ARMH3: variants seen among roughly 807,000 people sequenced by gnomAD.
The protein encoded by ARMH3 is armadillo-like helical domain-containing protein 3.
In ARMH3, 60 loss-of-function variants were observed where a neutral mutation model predicts 99.1. The observed-to-expected ratio is 0.61, with a 90% CI of 0.49 to 0.75. ARMH3 has a LOEUF of 0.75. Ranked by LOEUF, ARMH3 falls within the 30% of genes least tolerant of loss-of-function variation. ARMH3 has a pLI of 0.00. For synonymous variants in ARMH3, 285 were observed against 292.8 expected, an observed-to-expected ratio of 0.97 and a Z score of 0.27; for missense variants, 679 against 843.1, an observed-to-expected ratio of 0.81 and a Z score of 2.41.
intron 23 of ARMH3, among the ~76,000 whole-genome samples, chr10:101,901,824 G>C (rs912056465): frequency 3.9e-5 from 6 of 152,144 alleles, no homozygotes; most frequent in Admixed American, 1.3e-4. Context: ...AGTAAATAAA[G>C]AATAAACAAG....
At chr10:101,917,654 T>C (rs1355157851) in intron 23 of ARMH3, among the ~76,000 whole-genome samples, 1 of 152,244 alleles carries the variant, frequency 6.6e-6, no homozygotes, top group Non-Finnish European at 1.5e-5. Flanking sequence ...ACTCTATTTA[T>C]GCTATTTCTA....
chr10:102,047,538 G>A (rs11191196), intron 1 of ARMH3, among the ~76,000 whole-genome samples: 31,232 of 151,216 alleles, frequency 0.21, 3,949 homozygotes, highest in Non-Finnish European at 0.29. Context: ...CCAGGCTGGG[G>A]TGCAGTGGCA....
intron 23 of ARMH3, among the ~76,000 whole-genome samples, chr10:101,922,950 G>A (rs190229830): frequency 2.0e-3 from 311 of 152,038 alleles, no homozygotes; most frequent in Non-Finnish European, 3.5e-3. Flanking sequence ...AATGTCCTTC[G>A]GTACACTGGG....
At chr10:101,998,111 C>A (rs939155600) in intron 15 of ARMH3, among the ~76,000 whole-genome samples, 1 of 152,160 alleles carries the variant, frequency 6.6e-6, no homozygotes, top group Non-Finnish European at 1.5e-5. Context: ...TTATGGATGG[C>A]AAGTGACCAA....
intron 23 of ARMH3, among the ~76,000 whole-genome samples, chr10:101,898,137 T>C (rs2135484064): frequency 6.6e-6 from 1 of 152,084 alleles, no homozygotes; most frequent in African/African-American, 2.4e-5. Context: ...TCCAGCACTT[T>C]GCGAGGCTGA....
chr10:102,011,597 G>A lies in ARMH3; in HGVS notation c.831+126C>T, dbSNP rs956430597. The A allele has an allele frequency of 2.8e-5, 20 of 712,634 alleles. No individual in the cohort carries two copies. The South Asian group carries it at 3.7e-4, about 13-fold the overall frequency. The allele number at this position is 712,634 out of a possible 1,614,324, so 44.1% of individuals were successfully genotyped here. On this transcript the variant is annotated intron_variant, in intron 11 of 25. Coordinates refer to ENST00000370033, the MANE Select transcript of ARMH3 (RefSeq NM_024541.3). Reference sequence around the variant, plus strand: ...TACACTCCCCAAGAAAATCTGCTCTGAGCAGCCTCTCTCTTGTCATCATGC... The same window carrying A: ...TACACTCCCCAAGAAAATCTGCTCTAAGCAGCCTCTCTCTTGTCATCATGC...
At chr10:101,912,624 T>C (rs894304711) in intron 23 of ARMH3, among the ~76,000 whole-genome samples, 2 of 152,324 alleles carry the variant, frequency 1.3e-5, no homozygotes, top group South Asian at 4.1e-4. Context: ...TAAAGACAGT[T>C]TACATCTTCC....
rs982297634 is a variant in ARMH3 at position 101,960,134 on chromosome 10, C to T, written c.1496-2402G>A. Among the ~76,000 whole-genome samples, 5 of 151,972 alleles carry T rather than the reference C, an allele frequency of 3.3e-5. No homozygotes were observed. In the East Asian group the frequency reaches 9.7e-4, roughly 29 times the overall value. ...CGGAGGCTGCAGTGAGCCGAGATCG[C>T]ACCACTGCACTCCACCTTGGGCGAC... On this transcript the variant is annotated intron_variant, in intron 20 of 25. Coordinates refer to ENST00000370033, the MANE Select transcript of ARMH3 (RefSeq NM_024541.3).
At chr10:102,040,217 A>G in intron 1 of ARMH3, 92 bp from the exon 2 acceptor site, 1 of 1,055,522 alleles carries the variant, frequency 9.5e-7, no homozygotes, top group Non-Finnish European at 1.5e-6. Flanking sequence ...CCAAGCCCAT[A>G]GAATATACAA....
intron 8 of ARMH3, among the ~76,000 whole-genome samples, chr10:102,015,767 C>G (rs922500247): frequency 1.3e-5 from 2 of 152,058 alleles, no homozygotes; most frequent in South Asian, 2.1e-4. Flanking sequence ...TTAATTGTGA[C>G]GAATTAGGCA....
At chr10:101,984,962 G>A (rs1402283112) in intron 19 of ARMH3, among the ~76,000 whole-genome samples, 3 of 151,568 alleles carry the variant, frequency 2.0e-5, no homozygotes, top group Non-Finnish European at 2.9e-5. Flanking sequence ...CCAGCTACTT[G>A]GGAGGTTGAG....
At chr10:101,916,062 C>G (rs1252599024) in intron 23 of ARMH3, among the ~76,000 whole-genome samples, 1 of 152,126 alleles carries the variant, frequency 6.6e-6, no homozygotes. Flanking sequence ...CCCCGGCCTC[C>G]CAAAGTGCTG....
At chr10:101,891,775 T>C (rs1024977525) in intron 23 of ARMH3, among the ~76,000 whole-genome samples, 1 of 152,200 alleles carries the variant, frequency 6.6e-6, no homozygotes, top group Non-Finnish European at 1.5e-5. Context: ...TTACTTTTTC[T>C]ATAAATCTAA....
At position 101,982,098 on chromosome 10, in the gene ARMH3, A is replaced by G. The variant is rs541768130; in HGVS notation, c.1407-6798T>C. On this transcript the variant is annotated intron_variant, in intron 19 of 25. Transcript: ENST00000370033. ...ATTAAAAATATTTTACAGGCCGGGTATAGCGGGTATAGTGGCTCACACCTG... is the reference window on the plus strand; with the variant it reads ...ATTAAAAATATTTTACAGGCCGGGTGTAGCGGGTATAGTGGCTCACACCTG... Among the ~76,000 whole-genome samples, 3 of 150,868 alleles carry G rather than the reference A, an allele frequency of 2.0e-5. No homozygotes were observed. In the East Asian group the frequency reaches 5.8e-4, roughly 29 times the overall value.
intron 2 of ARMH3, 96 bp downstream of exon 2, chr10:102,039,917 G>A: frequency 8.6e-7 from 1 of 1,167,682 alleles, no homozygotes; most frequent in East Asian, 2.4e-5. Flanking sequence ...CATCCCCCAA[G>A]GAACCTGAAG....
chr10:102,054,698 G>A (rs538829554), intron 1 of ARMH3, among the ~76,000 whole-genome samples: 8 of 152,234 alleles, frequency 5.3e-5, no homozygotes, highest in African/African-American at 1.7e-4. Flanking sequence ...CTCTCACTAA[G>A]CTCAAAACTT....
intron 12 of ARMH3, among the ~76,000 whole-genome samples, 187 bp downstream of exon 12, chr10:102,009,790 C>T (rs567959756): frequency 1.3e-5 from 2 of 152,118 alleles, no homozygotes; most frequent in Admixed American, 1.3e-4. Flanking sequence ...TATTGTCGCT[C>T]AATACATATG....
intron 23 of ARMH3, among the ~76,000 whole-genome samples, chr10:101,928,824 G>A (rs544666305): frequency 1.2e-4 from 18 of 152,130 alleles, no homozygotes; most frequent in Non-Finnish European, 2.2e-4. Flanking sequence ...TCCATCTCCC[G>A]GATTCAAGCC....
intron 23 of ARMH3, among the ~76,000 whole-genome samples, chr10:101,906,213 C>G (rs1207520356): frequency 6.6e-6 from 1 of 152,116 alleles, no homozygotes; most frequent in African/African-American, 2.4e-5. Context: ...TGGATTAATA[C>G]TGCAATCAAC....
Sources: gnomAD v4.1 joint callset for allele counts (sites outside exome capture counted in the v4.1 genomes callset) on GRCh38, gnomAD v4.1.1 for gene constraint, MANE v1.5 for transcripts, NCBI Gene and HGNC (gene_info 2026-07-23, HGNC 2026-07-21) for gene names.